The following CCDC33 variants were observed in gnomAD, a reference collection of about 807,000 sequenced individuals.
CCDC33 encodes coiled-coil domain containing 33.
A neutral mutation model predicts 91.9 loss-of-function variants in CCDC33; 94 were observed. That is an observed-to-expected ratio of 1.02 (90% CI 0.87 to 1.21). The LOEUF (loss-of-function observed/expected upper bound fraction) is 1.21. Among genes scored for constraint, CCDC33 ranks in the 50% most tolerant of loss-of-function variants. The probability of loss-of-function intolerance (pLI) is 0.00; values close to 1 mark genes in which losing one functional copy is unlikely to be tolerated. For missense variants in CCDC33, 940 were observed against 935.5 expected (o/e 1.00, Z -0.06); for synonymous variants, 396 against 374.5 (o/e 1.06, Z -0.66).
In CCDC33 at chr15:74,304,520, C is replaced by G. The variant is rs1283976101; in HGVS notation, c.1290+8572C>G. 5 of 152,352 alleles carry G rather than the reference C, an allele frequency of 3.3e-5. No individual in the cohort carries two copies. In the East Asian group the frequency reaches 7.7e-4, roughly 23 times the overall value. 9.4% of individuals were successfully genotyped at this position (152,352 alleles called of 1,614,324 possible). ...GACTCATAACTCAGCTGCTGGGATG[C>G]AGCAGATATTTACGGCTCCGTTTCA... On this transcript the variant is annotated intron_variant, in intron 11 of 18. Transcript: ENST00000398814.
At chr15:74,214,719 C>G (rs1224368590), upstream of CCDC33, among the ~76,000 whole-genome samples, 5 of 152,170 alleles carry the variant, frequency 3.3e-5, no homozygotes, top group African/African-American at 7.2e-5. Context: ...GGTACCCTCC[C>G]TCCTCACCAC....
chr15:74,237,789 CA>C (rs747275753), intron 1 of CCDC33, among the ~76,000 whole-genome samples: 5 of 152,270 alleles, frequency 3.3e-5, no homozygotes, highest in Middle Eastern at 6.8e-3. Flanking sequence ...GAGGAGGAGC[CA>C]AGGTTGCTTT....
intron 11 of CCDC33, among the ~76,000 whole-genome samples, chr15:74,317,008 T>C (rs2060099500): frequency 1.3e-5 from 2 of 152,182 alleles, no homozygotes; most frequent in South Asian, 4.1e-4. Context: ...GTATGGGGAT[T>C]GTCTTGTGCC....
At chr15:74,305,613 G>A (rs1168253849) in intron 11 of CCDC33, among the ~76,000 whole-genome samples, 1 of 152,190 alleles carries the variant, frequency 6.6e-6, no homozygotes, top group African/African-American at 2.4e-5. Context: ...AGTGTCTGGT[G>A]CCCCCAACCT....
intron 1 of CCDC33, among the ~76,000 whole-genome samples, chr15:74,206,265 G>C (rs1231317173): frequency 6.6e-6 from 1 of 152,240 alleles, no homozygotes; most frequent in Non-Finnish European, 1.5e-5. Flanking sequence ...AGGGTGGGCA[G>C]GCTGGGTTGA....
intron 2 of CCDC33, among the ~76,000 whole-genome samples, chr15:74,245,078 C>T (rs1211715307): frequency 2.6e-5 from 4 of 152,200 alleles, no homozygotes; most frequent in African/African-American, 9.6e-5. Context: ...CAGAGTTGAG[C>T]TCTCCCTCTT....
At chr15:74,255,139 G>A (rs1393454387) in intron 2 of CCDC33, among the ~76,000 whole-genome samples, 1 of 143,918 alleles carries the variant, frequency 6.9e-6, no homozygotes, top group Non-Finnish European at 1.5e-5. Flanking sequence ...GCCCTCTCCT[G>A]AGCTCCAGTT....
intron 2 of CCDC33, among the ~76,000 whole-genome samples, chr15:74,253,537 C>A (rs187262677): frequency 1.3e-5 from 2 of 152,180 alleles, no homozygotes; most frequent in African/African-American, 4.8e-5. Context: ...TCGTTCCCCC[C>A]CTCCTTCTCT....
chr15:74,207,631 C>T (rs1412505961), intron 1 of CCDC33: 11 of 1,443,834 alleles, frequency 7.6e-6, no homozygotes, highest in Non-Finnish European at 1.0e-5. Context: ...CCCCCAACTT[C>T]GATAGCACGG....
chr15:74,330,099 G>T, intron 11 of CCDC33, 90 bp from the exon 12 acceptor site: 1 of 1,442,012 alleles, frequency 6.9e-7, no homozygotes, highest in South Asian at 1.5e-5. Context: ...GGCCTTGTGG[G>T]GGACCCACTG....
chr15:74,211,561 C>A (rs1012903422), intron 2 of CCDC33, among the ~76,000 whole-genome samples: 1 of 152,042 alleles, frequency 6.6e-6, no homozygotes, highest in Non-Finnish European at 1.5e-5. Context: ...CCACCATGCC[C>A]GGCTGAATTT....
chr15:74,292,610 C>G (rs2059605466), intron 10 of CCDC33, among the ~76,000 whole-genome samples: 1 of 152,182 alleles, frequency 6.6e-6, no homozygotes, highest in South Asian at 2.1e-4. Context: ...CACCTTGCCT[C>G]CAAATCCCAG....
At chr15:74,318,456 T>G in intron 11 of CCDC33, 4 of 339,404 alleles carry the variant, frequency 1.2e-5, no homozygotes, top group East Asian at 9.9e-5. Context: ...CCCCCCACCC[T>G]GGAACAAAGG....
rs1036496376 is a variant in CCDC33 at position 74,218,720 on chromosome 15, C to T, written c.534C>T (p.Ala178=). The T allele has an allele frequency of 7.8e-7, 1 of 1,289,726 alleles. No individual in the cohort carries two copies. Among genetic ancestry groups the T allele is most frequent in the African/African-American group, 1.5e-5 (1 of 65,870 alleles). The allele number at this position is 1,289,726 out of a possible 1,614,324, so 79.9% of individuals were successfully genotyped here. ...TCCGGGCTAGCACGGACCCCACAGC[C>T]CGACACTGTGGGAGCCTGGCCTACA... Residue 178 remains alanine (A), a synonymous_variant, in exon 2 of 3, where the codon GCC becomes GCT. Coordinates refer to the CCDC33 transcript ENST00000635913. The surrounding 1 kb of genome is among the most constrained non-coding windows in gnomAD (Gnocchi z 4.8).
At chr15:74,327,480 C>T (rs184767584) in intron 11 of CCDC33, among the ~76,000 whole-genome samples, 4 of 152,098 alleles carry the variant, frequency 2.6e-5, no homozygotes, top group Admixed American at 6.5e-5. Context: ...ACTAAAAAGA[C>T]AAAAATTAGC....
intron 2 of CCDC33, among the ~76,000 whole-genome samples, chr15:74,253,241 C>T (rs1420107353): frequency 6.6e-6 from 1 of 152,200 alleles, no homozygotes; most frequent in Admixed American, 6.5e-5. Context: ...GAGCGGCTGA[C>T]AGCCTCCTCC....
At chr15:74,262,965 C>T (rs542275372) in intron 3 of CCDC33, among the ~76,000 whole-genome samples, 12 of 152,170 alleles carry the variant, frequency 7.9e-5, no homozygotes, top group Non-Finnish European at 1.3e-4. Flanking sequence ...AAGAGAACAT[C>T]GAGGTTCAGG....
At chr15:74,305,747 G>C (rs1409601082) in intron 11 of CCDC33, among the ~76,000 whole-genome samples, 1 of 152,062 alleles carries the variant, frequency 6.6e-6, no homozygotes, top group Non-Finnish European at 1.5e-5. Context: ...TCATTTGTTC[G>C]ACCAGGGTTT....
At chr15:74,221,249 G>C in intron 2 of CCDC33, 5 of 150,144 alleles carry the variant, frequency 3.3e-5, no homozygotes, top group Non-Finnish European at 4.6e-5. Context: ...TTTTTCACCA[G>C]AACTGATGAT....
Sources: gnomAD v4.1 joint callset for allele counts (sites outside exome capture counted in the v4.1 genomes callset) on GRCh38, gnomAD v4.1.1 for gene constraint, Gnocchi (gnomAD v3.1) non-coding constraint, MANE v1.5 for transcripts, NCBI Gene and HGNC (gene_info 2026-07-23, HGNC 2026-07-21) for gene names.